The following NTM variants were observed in gnomAD, a reference collection of about 807,000 sequenced individuals.
NTM encodes neurotrimin.
A neutral mutation model predicts 42.1 loss-of-function variants in NTM; 13 were observed. The observed-to-expected ratio is 0.31, with a 90% confidence interval of 0.20 to 0.49. The LOEUF is 0.49. Ranked by LOEUF, NTM falls within the 20% of genes least tolerant of loss-of-function variation. The pLI, the probability that NTM is intolerant of heterozygous loss-of-function variation, is 0.99. For synonymous variants in NTM, 187 were observed against 179.2 expected (o/e 1.04, Z -0.35); for missense variants, 373 against 452.8 (o/e 0.82, Z 1.60).
chr11:132,268,668 C>CTGTGTGTG (rs779978929), intron 4 of NTM, among the ~76,000 whole-genome samples: 123 of 138,698 alleles, frequency 8.9e-4, no homozygotes, highest in African/African-American at 1.6e-3. Context: ...CTCTCTCTCT[C>CTGTGTGTG]TCTGTGTGTG....
chr11:132,112,222 T>C (rs1240405975), intron 2 of NTM, among the ~76,000 whole-genome samples: 4 of 152,016 alleles, frequency 2.6e-5, no homozygotes, highest in Non-Finnish European at 5.9e-5. Context: ...CAGACCACAA[T>C]TGAATCAGTC....
At chr11:132,246,460 A>AG (rs1399080067) in intron 4 of NTM, among the ~76,000 whole-genome samples, 2 of 152,386 alleles carry the variant, frequency 1.3e-5, no homozygotes, top group East Asian at 3.9e-4. Flanking sequence ...CCGAGGTCAC[A>AG]GAGCTGAACT....
At chr11:132,020,629 T>G (rs1439690623) in intron 2 of NTM, among the ~76,000 whole-genome samples, 1 of 110,664 alleles carries the variant, frequency 9.0e-6, no homozygotes, top group Non-Finnish European at 1.8e-5. Flanking sequence ...TCCCTCATAT[T>G]TGAAAAAAAA....
At chr11:132,117,168 A>C (rs180817091) in intron 2 of NTM, among the ~76,000 whole-genome samples, 3 of 152,354 alleles carry the variant, frequency 2.0e-5, no homozygotes, top group African/African-American at 7.2e-5. Context: ...TTGTATTGCA[A>C]CTGCTTTCTA....
rs560518824 is a variant in NTM at position 131,726,428 on chromosome 11, C to T, written c.83-185136C>T. ...TTGGATTGCTGCCATCCTCTAATGG[C>T]ATCTAGAGACACCAGCCCTTTACTC... On this transcript the variant is annotated intron_variant, in intron 1 of 8. Transcript: ENST00000683400. 4.6e-5 allele frequency among the ~76,000 whole-genome samples: 7 copies of T among 151,444 alleles called. 1 individual carries two copies. Among genetic ancestry groups the T allele is most frequent in the Admixed American group, 4.6e-4 (7 of 15,258 alleles).
At chr11:131,867,174 A>G (rs1461545055) in intron 1 of NTM, among the ~76,000 whole-genome samples, 4 of 152,230 alleles carry the variant, frequency 2.6e-5, no homozygotes, top group African/African-American at 9.6e-5. Flanking sequence ...TCTGCTATTT[A>G]CGCTTTGTGC....
At chr11:132,182,808 G>A (rs61906012) in intron 3 of NTM, among the ~76,000 whole-genome samples, 4,900 of 152,244 alleles carry the variant, frequency 0.032, 112 homozygotes, top group African/African-American at 0.062. Context: ...GGGGCCCCAA[G>A]TTATCCTTTT....
chr11:131,415,673 T>A (rs1406899928), intron 1 of NTM, among the ~76,000 whole-genome samples: 7 of 152,016 alleles, frequency 4.6e-5, no homozygotes, highest in Admixed American at 4.6e-4. Context: ...CAGGCTCAAC[T>A]CCAGGCCTAC....
At chr11:131,987,253 C>G (rs2066210444) in intron 2 of NTM, among the ~76,000 whole-genome samples, 1 of 152,126 alleles carries the variant, frequency 6.6e-6, no homozygotes, top group Non-Finnish European at 1.5e-5. Context: ...TCATACTAAT[C>G]CTTAGAAATA....
chr11:132,135,806 GGA>G (rs1403528396), intron 2 of NTM, among the ~76,000 whole-genome samples: 5 of 152,300 alleles, frequency 3.3e-5, no homozygotes, highest in East Asian at 3.9e-4. Context: ...TCCTGCACAG[GGA>G]GAGAGAGACA....
At chr11:131,664,151 C>T (rs900852533) in intron 1 of NTM, among the ~76,000 whole-genome samples, 1 of 152,210 alleles carries the variant, frequency 6.6e-6, no homozygotes, top group African/African-American at 2.4e-5. Flanking sequence ...AAGAGCTGGG[C>T]CCAGATTTAG....
At chr11:131,596,290 G>C (rs2059803465) in intron 1 of NTM, among the ~76,000 whole-genome samples, 1 of 152,228 alleles carries the variant, frequency 6.6e-6, no homozygotes, top group Admixed American at 6.5e-5. Flanking sequence ...TTAAGTGAGA[G>C]TCTAGGGATC....
chr11:131,718,850 G>T (rs2078011994), intron 1 of NTM, among the ~76,000 whole-genome samples: 1 of 152,126 alleles, frequency 6.6e-6, no homozygotes. Context: ...GAAGTCAGCT[G>T]GGATGAATGC....
chr11:132,024,670 C>G (rs914822750), intron 2 of NTM, among the ~76,000 whole-genome samples: 1 of 152,142 alleles, frequency 6.6e-6, no homozygotes, highest in African/African-American at 2.4e-5. Context: ...ACCTCAGATG[C>G]GCAGATACAG....
chr11:131,611,231 C>A (rs1454859837), intron 1 of NTM, among the ~76,000 whole-genome samples: 8 of 152,098 alleles, frequency 5.3e-5, no homozygotes, highest in Non-Finnish European at 7.4e-5. Flanking sequence ...GAGGAGCTGG[C>A]TTTAGGAGGA....
chr11:131,744,584 A>G (rs2081571369), intron 1 of NTM, among the ~76,000 whole-genome samples: 1 of 152,188 alleles, frequency 6.6e-6, no homozygotes, highest in Non-Finnish European at 1.5e-5. Flanking sequence ...GAAGAAGTCT[A>G]TTAAGGAATT....
chr11:131,738,369 ACATTTCC>A (rs1200818269), intron 1 of NTM, among the ~76,000 whole-genome samples: 2 of 152,206 alleles, frequency 1.3e-5, no homozygotes, highest in African/African-American at 2.4e-5. Context: ...AGGGTCTCAC[ACATTTCC>A]CATGGTCTCT....
chr11:131,723,194 C>A (rs889344997), intron 1 of NTM, among the ~76,000 whole-genome samples: 3 of 152,200 alleles, frequency 2.0e-5, no homozygotes, highest in Non-Finnish European at 4.4e-5. Context: ...TTATCTCTGC[C>A]GTTCACATCA....
intron 1 of NTM, among the ~76,000 whole-genome samples, chr11:131,476,382 G>A (rs1475322312): frequency 6.6e-6 from 1 of 152,196 alleles, no homozygotes. Context: ...CCTGGGCCCT[G>A]TGGCCATGCT....
Sources: allele counts gnomAD v4.1 joint callset (sites outside exome capture counted in the v4.1 genomes callset), GRCh38; gene constraint gnomAD v4.1.1; transcripts MANE v1.5; gene names NCBI Gene and HGNC (gene_info 2026-07-23, HGNC 2026-07-21).